The following RBFOX3 variants were observed in gnomAD, a reference collection of about 807,000 sequenced individuals.
RBFOX3 encodes RNA binding fox-1 homolog 3.
RBFOX3 carries 17 observed loss-of-function variants against 48.7 expected under a neutral mutation model. The ratio of observed to expected loss-of-function variants is 0.35; its 90% confidence interval spans 0.24 to 0.52. RBFOX3 has a LOEUF of 0.52. RBFOX3 is among the 20% of genes least tolerant of loss of function. The probability of loss-of-function intolerance (pLI) is 0.94; values close to 1 mark genes in which losing one functional copy is unlikely to be tolerated. For synonymous variants in RBFOX3, 212 were observed against 209.5 expected, an observed-to-expected ratio of 1.01 and a Z score of -0.10; for missense variants, 382 against 497.5, an observed-to-expected ratio of 0.77 and a Z score of 2.21.
At chr17:79,409,573 C>G (rs570489579) in intron 2 of RBFOX3, among the ~76,000 whole-genome samples, 12 of 151,990 alleles carry the variant, frequency 7.9e-5, no homozygotes, top group Non-Finnish European at 1.5e-4. Context: ...AGATATATGG[C>G]CTTCTGAAGT....
chr17:79,450,157 T>C (rs2073199887), intron 2 of RBFOX3, among the ~76,000 whole-genome samples: 1 of 152,174 alleles, frequency 6.6e-6, no homozygotes, highest in Non-Finnish European at 1.5e-5. Flanking sequence ...TCAACATGGA[T>C]GCCAGACTCA....
chr17:79,661,412 T>G, the RBFOX3 span, among the ~76,000 whole-genome samples: 4 of 152,252 alleles, frequency 2.6e-5, no homozygotes, highest in Admixed American at 2.6e-4. Context: ...AGAGTATAGA[T>G]GTGCTGTTTA....
Position 79,480,962 on chromosome 17 carries a change from G to C in RBFOX3, c.-175+1492C>G, listed in dbSNP as rs1164052173. Among the ~76,000 whole-genome samples, 1 of 152,194 alleles carries C rather than the reference G, an allele frequency of 6.6e-6. No homozygotes were observed. The highest frequency in any genetic ancestry group is 1.5e-5 in the Non-Finnish European group (1 of 68,044). On this transcript the variant is annotated intron_variant, in intron 2 of 14. Coordinates refer to ENST00000693108, the MANE Select transcript of RBFOX3 (RefSeq NM_001350451.2). The surrounding 1 kb of genome is among the most constrained non-coding windows in gnomAD (Gnocchi z 4.8). ...CCAAACAGGGCTCAGCACATCGGGGGCTCAAGGTTGTGGAATGAACAATGT... is the reference window on the plus strand; with the variant it reads ...CCAAACAGGGCTCAGCACATCGGGGCCTCAAGGTTGTGGAATGAACAATGT...
chr17:79,297,827 C>T (rs2074645692), intron 3 of RBFOX3, among the ~76,000 whole-genome samples: 1 of 152,190 alleles, frequency 6.6e-6, no homozygotes, highest in African/African-American at 2.4e-5. Context: ...ACTCCAGCTA[C>T]TCTTTAGAAA....
At chr17:79,281,443 T>C (rs1399244139) in intron 3 of RBFOX3, among the ~76,000 whole-genome samples, 1 of 151,248 alleles carries the variant, frequency 6.6e-6, no homozygotes, top group Non-Finnish European at 1.5e-5. Context: ...TGCATGTGGT[T>C]AGCTTAGAGA....
At chr17:79,322,592 G>T (rs747121172) in intron 2 of RBFOX3, among the ~76,000 whole-genome samples, 32 of 152,224 alleles carry the variant, frequency 2.1e-4, no homozygotes, top group Non-Finnish European at 4.4e-4. Context: ...AAAGGCAATG[G>T]TGGCCAAGCA....
At chr17:79,176,848 T>C (rs2050663221) in intron 4 of RBFOX3, among the ~76,000 whole-genome samples, 1 of 152,230 alleles carries the variant, frequency 6.6e-6, no homozygotes, top group African/African-American at 2.4e-5. Flanking sequence ...TGGAAAATTC[T>C]AGGGGCCACA....
intron 4 of RBFOX3, among the ~76,000 whole-genome samples, chr17:79,131,016 GTGTGCCCCATGTGTGC>G (rs2038725742): frequency 6.6e-6 from 1 of 151,972 alleles, no homozygotes. Flanking sequence ...GTGTGAGCAT[GTGTGCCCCATGTGTGC>G]TGTGCCCCCA....
At chr17:79,148,090 G>A (rs888395005) in intron 4 of RBFOX3, among the ~76,000 whole-genome samples, 1 of 143,958 alleles carries the variant, frequency 6.9e-6, no homozygotes, top group Non-Finnish European at 1.5e-5. Flanking sequence ...ACCCCAGGGT[G>A]CGTGCGGCCC....
At chr17:79,383,902 C>T (rs758748431) in intron 2 of RBFOX3, among the ~76,000 whole-genome samples, 8 of 151,972 alleles carry the variant, frequency 5.3e-5, no homozygotes, top group African/African-American at 9.7e-5. Flanking sequence ...TAGTGGCCCC[C>T]GGGACCCCCA....
the RBFOX3 span, among the ~76,000 whole-genome samples, chr17:79,637,453 G>A: frequency 6.6e-6 from 1 of 151,966 alleles, no homozygotes; most frequent in Admixed American, 6.6e-5. Context: ...CAGCACTTTG[G>A]GAGGCTGAGG....
At chr17:79,225,037 G>A (rs1053715855) in intron 4 of RBFOX3, among the ~76,000 whole-genome samples, 1 of 152,162 alleles carries the variant, frequency 6.6e-6, no homozygotes, top group Non-Finnish European at 1.5e-5. Flanking sequence ...GCCTTGTGGC[G>A]CACCATTAGA....
chr17:79,273,959 G>T (rs35286044), intron 3 of RBFOX3, among the ~76,000 whole-genome samples: 79 of 152,190 alleles, frequency 5.2e-4, no homozygotes, highest in Non-Finnish European at 9.9e-4. Context: ...CTCTTCCAGG[G>T]TTGGCGATTC....
At chr17:79,523,960 G>A (rs2086469827) in intron 1 of RBFOX3, among the ~76,000 whole-genome samples, 1 of 152,114 alleles carries the variant, frequency 6.6e-6, no homozygotes, top group Non-Finnish European at 1.5e-5. Context: ...GACTTTCACA[G>A]CCTCAAGTGG....
chr17:79,197,857 G>T (rs1196715133), intron 4 of RBFOX3, among the ~76,000 whole-genome samples: 1 of 151,946 alleles, frequency 6.6e-6, no homozygotes, highest in Non-Finnish European at 1.5e-5. Context: ...CCAAACCACG[G>T]GCAAGCAGGG....
intron 3 of RBFOX3, among the ~76,000 whole-genome samples, chr17:79,280,214 AACATGCACACACACGCAC>A (rs967662630): frequency 7.1e-6 from 1 of 140,028 alleles, no homozygotes; most frequent in Non-Finnish European, 1.5e-5. Flanking sequence ...CACACTCACA[AACATGCACACACACGCAC>A]ACATGCACAC....
intron 1 of RBFOX3, among the ~76,000 whole-genome samples, chr17:79,540,438 G>A (rs1326611800): frequency 6.6e-6 from 1 of 152,208 alleles, no homozygotes; most frequent in Non-Finnish European, 1.5e-5. Context: ...CCTCCTTAAG[G>A]TGCATGGCGT....
chr17:79,581,708 C>T (rs1350670638), intron 1 of RBFOX3, among the ~76,000 whole-genome samples: 1 of 152,252 alleles, frequency 6.6e-6, no homozygotes, highest in East Asian at 1.9e-4. Context: ...CAGCCAGGGG[C>T]TGGAGGAGGG....
chr17:79,199,869 G>A lies in RBFOX3; in HGVS notation c.-34+35897C>T, dbSNP rs572293214. 6.6e-6 allele frequency among the ~76,000 whole-genome samples: 1 copy of A among 152,136 alleles called. No homozygotes were observed. Among genetic ancestry groups the A allele is most frequent in the Non-Finnish European group, 1.5e-5 (1 of 67,978 alleles). Reference sequence around the variant, plus strand: ...TCTCAGTTTCCTTATCTATAAAATGGGGAGAAAAGGGCCGGACGTGGTGGC... The same window carrying A: ...TCTCAGTTTCCTTATCTATAAAATGAGGAGAAAAGGGCCGGACGTGGTGGC... On this transcript the variant is annotated intron_variant, in intron 4 of 14. Coordinates refer to ENST00000693108, the MANE Select transcript of RBFOX3 (RefSeq NM_001350451.2). This position sits in a 1 kb window ranked among gnomAD's most constrained non-coding sequence, Gnocchi z 5.1.
Sources: gnomAD v4.1 joint callset for allele counts (sites outside exome capture counted in the v4.1 genomes callset) on GRCh38, gnomAD v4.1.1 for gene constraint, Gnocchi (gnomAD v3.1) non-coding constraint, MANE v1.5 for transcripts, NCBI Gene and HGNC (gene_info 2026-07-23, HGNC 2026-07-21) for gene names.